The following ICA1 variants were observed in gnomAD, a reference collection of about 807,000 sequenced individuals.
ICA1 encodes the protein islet cell autoantigen 1.
ICA1 carries 40 observed loss-of-function variants against 71.0 expected under a neutral mutation model. The observed-to-expected ratio is 0.56, with a 90% CI of 0.44 to 0.73. The LOEUF (loss-of-function observed/expected upper bound fraction) is 0.73. Among genes scored for constraint, ICA1 ranks in the 30% least tolerant of loss-of-function variants. ICA1 has a pLI of 0.00. For synonymous variants in ICA1, 207 were observed against 209.5 expected, an observed-to-expected ratio of 0.99 and a Z score of 0.10; for missense variants, 578 against 576.5, an observed-to-expected ratio of 1.00 and a Z score of -0.03.
chr7:8,173,202 T>A lies in ICA1; in HGVS notation c.580-14550A>T, dbSNP rs192691744. On this transcript the variant is annotated intron_variant, in intron 6 of 13. Coordinates refer to ENST00000402384, the MANE Select transcript of ICA1 (RefSeq NM_001136020.3). The surrounding 1 kb of genome is among the most constrained non-coding windows in gnomAD (Gnocchi z 4.0). ...CAGGGCTCCTTGACAAAACTGCTGA[T>A]TCCAGGACTAGGGAAGGAAATACAT... Among the ~76,000 whole-genome samples, 490 of 152,286 alleles carry A rather than the reference T, an allele frequency of 3.2e-3. 1 individual carries two copies. Among genetic ancestry groups the A allele is most frequent in the Non-Finnish European group, 4.5e-3 (305 of 68,020 alleles).
chr7:8,186,145 C>G (rs1191118550), intron 6 of ICA1, among the ~76,000 whole-genome samples: 1 of 152,092 alleles, frequency 6.6e-6, no homozygotes, highest in Admixed American at 6.5e-5. Context: ...ACAGATCAAG[C>G]GACAGCAATT....
intron 1 of ICA1, among the ~76,000 whole-genome samples, chr7:8,248,480 C>G (rs1308592449): frequency 6.6e-6 from 1 of 152,138 alleles, no homozygotes; most frequent in Non-Finnish European, 1.5e-5. Flanking sequence ...AATTCCAGCA[C>G]TTTGAGAGGC....
At chr7:8,158,373 G>C in intron 7 of ICA1, 154 bp downstream of exon 7, 1 of 831,378 alleles carries the variant, frequency 1.2e-6, no homozygotes, top group Non-Finnish European at 1.9e-6. Context: ...GTTAAACGTA[G>C]GGCCCTAGAA....
At chr7:8,212,057 T>A (rs1306323724) in intron 6 of ICA1, among the ~76,000 whole-genome samples, 2 of 152,212 alleles carry the variant, frequency 1.3e-5, no homozygotes, top group South Asian at 4.1e-4. Context: ...GGCTCCTCTT[T>A]GAAAGTGTCC....
chr7:8,129,875 C>T (rs1189292996), intron 12 of ICA1, among the ~76,000 whole-genome samples: 1 of 133,670 alleles, frequency 7.5e-6, no homozygotes, highest in Non-Finnish European at 1.6e-5. Flanking sequence ...CACAACAGTC[C>T]CCGGTGTGTG....
rs141187233 is a variant in ICA1 at position 8,244,013 on chromosome 7, A to G, written c.-79-8008T>C. ...CTGCCCAAGGTAATTTATAGATTCA[A>G]TGCTATCCCCATATGACTTTCTTCA... On this transcript the variant is annotated intron_variant, in intron 1 of 13. Transcript: ENST00000402384. Among the ~76,000 whole-genome samples, 36 of 151,782 alleles carry G rather than the reference A, an allele frequency of 2.4e-4. No homozygotes were observed. In the East Asian group the frequency reaches 5.6e-3, roughly 24 times the overall value.
At chr7:8,237,182 C>T (rs146838862) in intron 1 of ICA1, among the ~76,000 whole-genome samples, 9 of 152,228 alleles carry the variant, frequency 5.9e-5, no homozygotes, top group Admixed American at 3.9e-4. Context: ...AATATCTGGA[C>T]GAGCTGCTTT....
intron 12 of ICA1, among the ~76,000 whole-genome samples, chr7:8,136,338 T>C (rs2128106116): frequency 6.6e-6 from 1 of 152,330 alleles, no homozygotes; most frequent in African/African-American, 2.4e-5. Flanking sequence ...CAGCCATCCC[T>C]GGATTAAGCT....
chr7:8,182,188 G>C (rs952271926), intron 6 of ICA1, among the ~76,000 whole-genome samples: 1 of 151,860 alleles, frequency 6.6e-6, no homozygotes, highest in Non-Finnish European at 1.5e-5. Context: ...TTAAATCGTA[G>C]AATCTCTGAG....
At chr7:8,169,438 A>C (rs1745119065) in intron 6 of ICA1, among the ~76,000 whole-genome samples, 2 of 152,122 alleles carry the variant, frequency 1.3e-5, no homozygotes, top group Admixed American at 6.6e-5. Context: ...GACATTGCCA[A>C]ACCATTTTCC....
chr7:8,180,120 C>G (rs986742976), intron 6 of ICA1, among the ~76,000 whole-genome samples: 1 of 151,964 alleles, frequency 6.6e-6, no homozygotes, highest in Non-Finnish European at 1.5e-5. Context: ...ACATTAACCA[C>G]CACCCAGAAA....
chr7:8,175,738 G>A (rs1780407336), intron 6 of ICA1, among the ~76,000 whole-genome samples: 1 of 152,140 alleles, frequency 6.6e-6, no homozygotes, highest in African/African-American at 2.4e-5. Flanking sequence ...GGGTTCAAAA[G>A]CCACCTAGAA....
At chr7:8,133,378 G>A (rs949094954) in intron 12 of ICA1, among the ~76,000 whole-genome samples, 1 of 152,102 alleles carries the variant, frequency 6.6e-6, no homozygotes, top group African/African-American at 2.4e-5. Context: ...CTCCAGGCTT[G>A]AATGCCTTCT....
chr7:8,226,450 T>G lies in ICA1; in HGVS notation c.256+2151A>C, dbSNP rs1271490415. Among the ~76,000 whole-genome samples the G allele has an allele frequency of 6.6e-6, 1 of 152,230 alleles. No individual in the cohort carries two copies. Among genetic ancestry groups the G allele is most frequent in the East Asian group, 1.9e-4 (1 of 5,196 alleles). On this transcript the variant is annotated intron_variant, in intron 4 of 13. Transcript: ENST00000402384. The surrounding 1 kb of genome is among the most constrained non-coding windows in gnomAD (Gnocchi z 4.4). ...TTTACATTTATATTTTATATCACCT[T>G]CTTGCTTGCATGAAGGATAGCATAC...
At chr7:8,219,778 T>C (rs1444704059) in intron 5 of ICA1, among the ~76,000 whole-genome samples, 2 of 152,266 alleles carry the variant, frequency 1.3e-5, no homozygotes, top group Admixed American at 6.5e-5. Flanking sequence ...TTTGTGTAAC[T>C]GATGACTTCT....
intron 13 of ICA1, among the ~76,000 whole-genome samples, chr7:8,119,911 G>T (rs1157738571): frequency 2.0e-5 from 3 of 152,208 alleles, no homozygotes; most frequent in Non-Finnish European, 2.9e-5. Flanking sequence ...TGATTTAAAA[G>T]ATGATAATGG....
At chr7:8,243,191 A>C (rs1804636005) in intron 1 of ICA1, among the ~76,000 whole-genome samples, 1 of 152,248 alleles carries the variant, frequency 6.6e-6, no homozygotes, top group Non-Finnish European at 1.5e-5. Context: ...AACGGAATCC[A>C]GCAGCACATC....
At chr7:8,210,432 G>A (rs76630114) in intron 6 of ICA1, among the ~76,000 whole-genome samples, 3,071 of 152,268 alleles carry the variant, frequency 0.02, 102 homozygotes, top group African/African-American at 0.07. Flanking sequence ...AACACATCAT[G>A]AATATGTATT....
chr7:8,227,939 ATTAAT>A (rs1799127934), intron 4 of ICA1: 1 of 396,724 alleles, frequency 2.5e-6, no homozygotes, highest in Non-Finnish European at 5.2e-6. Flanking sequence ...ATGACCAATT[ATTAAT>A]TTGTGATTAC....
Sources: allele counts gnomAD v4.1 joint callset (sites outside exome capture counted in the v4.1 genomes callset), GRCh38; gene constraint gnomAD v4.1.1; non-coding constraint Gnocchi (gnomAD v3.1); transcripts MANE v1.5; gene names NCBI Gene and HGNC (gene_info 2026-07-23, HGNC 2026-07-21).